PPWD1: variants seen among roughly 807,000 people sequenced by gnomAD.
PPWD1 encodes peptidylprolyl isomerase domain and WD repeat-containing protein 1.
Under a neutral mutation model 68.8 loss-of-function variants are expected in PPWD1, and 43 were observed. The observed-to-expected ratio is 0.62, with a 90% CI of 0.49 to 0.81. The LOEUF (loss-of-function observed/expected upper bound fraction) is 0.81, where lower values mean the gene tolerates loss of function less well. Ranked by LOEUF, PPWD1 falls within the 30% of genes least tolerant of loss-of-function variation. The pLI, the probability that PPWD1 is intolerant of heterozygous loss-of-function variation, is 0.00. For synonymous variants in PPWD1, 232 were observed against 258.7 expected, an observed-to-expected ratio of 0.90 and a Z score of 0.99; for missense variants, 672 against 804.8, an observed-to-expected ratio of 0.83 and a Z score of 2.00.
intron 6 of PPWD1, among the ~76,000 whole-genome samples, chr5:65,578,220 A>G (rs1753397583): frequency 6.6e-6 from 1 of 152,208 alleles, no homozygotes; most frequent in Non-Finnish European, 1.5e-5. Flanking sequence ...GTCTGGATGT[A>G]CCACAGTTGA....
Position 65,579,296 on chromosome 5 carries a change from T to C in PPWD1, c.1161-128T>C, listed in dbSNP as rs189720769. 551 of 1,291,278 alleles carry C rather than the reference T, an allele frequency of 4.3e-4. No homozygotes were observed. In the African/African-American group the frequency reaches 7.6e-3, roughly 18 times the overall value. 80.0% of individuals were successfully genotyped at this position (1,291,278 alleles called of 1,614,324 possible). A position where few individuals can be genotyped will look rare whatever the true frequency, so the allele number is the denominator to read the frequency against. ...CCTTTTGGGGGGTAGAGAAACACTT[T>C]TAAAAATCTTTCACTAGTTATTTTG... On this transcript the variant is annotated intron_variant, in intron 6 of 10. Transcript: ENST00000261308.
rs751764321 is a variant in PPWD1 at position 65,585,083 on chromosome 5, C to T, written c.1602C>T (p.His534=). ...GTTATTATAATGGGCATACATTTCA[C>T]CGTATAATTAAGGTAAGTTACATAA... is the stretch of plus-strand genomic sequence containing the variant. ...RNGYYNGHTF[H]RIIKGFMIQT... is the part of the protein sequence containing the mutation. The change falls in exon 9 of 11, where the codon CAC becomes CAT. Residue 534 remains histidine (H), a synonymous_variant. Coordinates refer to ENST00000261308, the MANE Select transcript of PPWD1 (RefSeq NM_015342.4). 14 of 1,610,340 alleles carry T rather than the reference C, an allele frequency of 8.7e-6. No individual in the cohort carries two copies. The highest frequency in any genetic ancestry group is 6.7e-5 in the Admixed American group (4 of 59,832).
intron 6 of PPWD1, among the ~76,000 whole-genome samples, chr5:65,578,741 T>TA (rs113647368): frequency 0.62 from 90,226 of 145,196 alleles, 28,372 homozygotes; most frequent in South Asian, 0.65. Context: ...TATACATATA[T>TA]ATATACACAC....
Position 65,572,286 on chromosome 5 carries a change from C to T in PPWD1, c.969C>T (p.Ser323=), listed in dbSNP as rs772604962. 48 of 1,590,962 alleles carry T rather than the reference C, an allele frequency of 3.0e-5. No individual in the cohort carries two copies. The highest frequency in any genetic ancestry group is 7.9e-5 in the South Asian group (7 of 88,150). ...TGAGAGTCTTTGATGAATCACTAAGCGTAAGTGTAATTTAAATTTAACCGT... is the reference window on the plus strand; with the variant it reads ...TGAGAGTCTTTGATGAATCACTAAGTGTAAGTGTAATTTAAATTTAACCGT... ...KLMRVFDESL[S]MFTELQQMRQ... Residue 323 remains serine (S), a splice_region_variant and synonymous_variant, in exon 5 of 11, where the codon AGC becomes AGT. Transcript: ENST00000261308.
chr5:65,587,161 T>A, intron 10 of PPWD1, 92 bp from the exon 11 acceptor site: 1 of 1,349,680 alleles, frequency 7.4e-7, no homozygotes, highest in Non-Finnish European at 9.9e-7. Context: ...AAGGGGAGCG[T>A]AAACTTAAAT....
At chr5:65,580,923 A>AT (rs1753565929) in intron 7 of PPWD1, among the ~76,000 whole-genome samples, 1 of 152,038 alleles carries the variant, frequency 6.6e-6, no homozygotes, top group African/African-American at 2.4e-5. Flanking sequence ...TCAATAATTT[A>AT]TTTTTTTGGC....
intron 1 of PPWD1, among the ~76,000 whole-genome samples, chr5:65,565,167 T>G (rs1462493939): frequency 6.6e-6 from 1 of 152,382 alleles, no homozygotes; most frequent in East Asian, 1.9e-4. Flanking sequence ...TTTATTCATG[T>G]GATTGATGAA....
chr5:65,569,102 A>G (rs1174050568), intron 2 of PPWD1: 2 of 433,598 alleles, frequency 4.6e-6, no homozygotes, highest in Non-Finnish European at 9.1e-6. Context: ...AGTACCTGAC[A>G]TATACTGGGT....
intron 5 of PPWD1, among the ~76,000 whole-genome samples, chr5:65,575,445 A>G (rs1264384447): frequency 1.3e-5 from 2 of 152,214 alleles, no homozygotes; most frequent in Admixed American, 6.5e-5. Context: ...TTGTGCTTAT[A>G]CCCTAACACA....
Position 65,569,688 on chromosome 5 carries a change from T to C in PPWD1, c.356T>C (p.Ile119Thr). The C allele has an allele frequency of 6.2e-7, 1 of 1,609,680 alleles. No individual in the cohort carries two copies. Among genetic ancestry groups the C allele is most frequent in the African/African-American group, 1.3e-5 (1 of 74,918 alleles). Residue 119 changes from isoleucine (I) to threonine (T), a missense_variant, in exon 3 of 11, where the codon ATA (isoleucine) becomes ACA (threonine). Physicochemically the swap from Ile to Thr is moderately conservative, Grantham distance 89. Around this residue, in one of 2 missense-constraint regions of PPWD1, gnomAD observed 188 missense variants for 158.6 expected, o/e 1.19. Coordinates refer to ENST00000261308, the MANE Select transcript of PPWD1 (RefSeq NM_015342.4). Reference sequence around the variant, plus strand: ...GGACATGTCAAGTTCTGGAAAAAAATAGAAGAGGGAATTGAATTTGTTAAA... The same window carrying C: ...GGACATGTCAAGTTCTGGAAAAAAACAGAAGAGGGAATTGAATTTGTTAAA... ...HDGHVKFWKK[I>T]EEGIEFVKHF...
At chr5:65,576,177 C>CTTTCATTTTATACTT (rs941692268) in intron 5 of PPWD1, among the ~76,000 whole-genome samples, 10 of 107,092 alleles carry the variant, frequency 9.3e-5, no homozygotes, top group African/African-American at 3.5e-4. Flanking sequence ...TGAAATTCAC[C>CTTTCATTTTATACTT]TGTTTTCTTT....
intron 4 of PPWD1, among the ~76,000 whole-genome samples, chr5:65,571,340 A>G (rs986080754): frequency 6.6e-6 from 1 of 152,204 alleles, no homozygotes; most frequent in Non-Finnish European, 1.5e-5. Flanking sequence ...TTGAGTTTTA[A>G]TATCAAGATT....
chr5:65,576,870 A>T lies in PPWD1; in HGVS notation c.970-9A>T. On this transcript the variant is annotated splice_polypyrimidine_tract_variant and intron_variant, in intron 5 of 10. Coordinates refer to ENST00000261308, the MANE Select transcript of PPWD1 (RefSeq NM_015342.4). ...TAGAGTTTTTGTTACTAAATGGTTTATTTCCTAGATGTTTACTGAACTGCA... is the reference window on the plus strand; with the variant it reads ...TAGAGTTTTTGTTACTAAATGGTTTTTTTCCTAGATGTTTACTGAACTGCA... 6.2e-7 allele frequency: 1 copy of T among 1,613,050 alleles called. No individual in the cohort carries two copies. Among genetic ancestry groups the T allele is most frequent in the Non-Finnish European group, 8.5e-7 (1 of 1,179,452 alleles).
Position 65,572,275 on chromosome 5 carries a change from G to A in PPWD1, c.958G>A (p.Glu320Lys). Residue 320 changes from glutamate (E) to lysine (K), a missense_variant, in exon 5 of 11, where the codon GAA becomes AAA. By Grantham distance (56) the Glu-to-Lys change is moderately conservative. This residue lies in a region of PPWD1 where 484 missense variants were observed against 646.2 expected (regional missense o/e 0.75). Transcript: ENST00000261308. ...TGGAAAACTCATGAGAGTCTTTGAT[G>A]AATCACTAAGCGTAAGTGTAATTTA... ...VTGKLMRVFDESLSMFTELQQ... is the reference protein window; with the variant it reads ...VTGKLMRVFDKSLSMFTELQQ... 1 of 1,607,752 alleles carries A rather than the reference G, an allele frequency of 6.2e-7. No individual in the cohort carries two copies. Among genetic ancestry groups the A allele is most frequent in the Non-Finnish European group, 8.5e-7 (1 of 1,175,992 alleles).
At chr5:65,578,899 T>G (rs1581161235) in intron 6 of PPWD1, among the ~76,000 whole-genome samples, 1 of 151,794 alleles carries the variant, frequency 6.6e-6, no homozygotes, top group Admixed American at 6.6e-5. Context: ...TGACTTTTCA[T>G]TCTCTTGATT....
At chr5:65,574,419 T>C (rs1166020380) in intron 5 of PPWD1, among the ~76,000 whole-genome samples, 2 of 151,688 alleles carry the variant, frequency 1.3e-5, no homozygotes, top group Non-Finnish European at 2.9e-5. Context: ...CAAAGAAATA[T>C]TCAGAATCTA....
intron 7 of PPWD1, chr5:65,582,757 T>C (rs772472994): frequency 4.6e-5 from 10 of 219,456 alleles, no homozygotes; most frequent in Non-Finnish European, 8.7e-5. Context: ...GAAACAATTA[T>C]TCTTGTTAAA....
rs35080676 is a variant in PPWD1, at chr5:65,565,807, CAAAAAAAAAA to C, written c.197-1696_197-1687del. 9.2e-4 allele frequency among the ~76,000 whole-genome samples: 95 copies of C among 103,346 alleles called. 1 individual carries two copies. Among genetic ancestry groups the C allele is most frequent in the African/African-American group, 3.5e-3 (95 of 27,056 alleles). 67.8% of individuals were successfully genotyped at this position (103,346 alleles called of 152,430 possible). ...TGGGCAACAGAGCAAGACTCCGTCT[CAAAAAAAAAA>C]AAAAAAAAAGCCAATAGTTTATTCA... On this transcript the variant is annotated intron_variant, in intron 1 of 10. Transcript: ENST00000261308.
chr5:65,573,982 A>G (rs1753157307), intron 5 of PPWD1, among the ~76,000 whole-genome samples: 1 of 152,188 alleles, frequency 6.6e-6, no homozygotes, highest in South Asian at 2.1e-4. Flanking sequence ...ATTGCCATCA[A>G]GTGGTTCTCT....
Sources: gnomAD v4.1 joint callset for allele counts (sites outside exome capture counted in the v4.1 genomes callset) on GRCh38, gnomAD v4.1.1 for gene constraint, gnomAD v4.1.1 regional missense constraint, MANE v1.5 for transcripts, NCBI Gene and HGNC (gene_info 2026-07-23, HGNC 2026-07-21) for gene names.